TBC1D9: variants seen among roughly 807,000 people sequenced by gnomAD.
TBC1D9 encodes the protein TBC1 domain family member 9.
In TBC1D9, 63 loss-of-function variants were observed where a neutral mutation model predicts 132.0. The ratio of observed to expected loss-of-function variants is 0.48; its 90% CI spans 0.39 to 0.59. The LOEUF (loss-of-function observed/expected upper bound fraction) is 0.59. Ranked by LOEUF, TBC1D9 falls within the 20% of genes least tolerant of loss-of-function variation. The probability of loss-of-function intolerance (pLI) is 0.00; values close to 1 mark genes in which losing one functional copy is unlikely to be tolerated. For missense variants in TBC1D9, 1,261 were observed against 1,592.7 expected (o/e 0.79, Z 3.54); for synonymous variants, 610 against 609.9 (o/e 1.00, Z 0.00).
At chr4:140,749,091 T>G (rs1738883036) in intron 1 of TBC1D9, among the ~76,000 whole-genome samples, 1 of 151,936 alleles carries the variant, frequency 6.6e-6, no homozygotes, top group African/African-American at 2.4e-5. Flanking sequence ...AATGGCCAGG[T>G]GCAGTGACTG....
At chr4:140,755,878 C>T in intron 1 of TBC1D9, 38 bp downstream of exon 1, 1 of 1,502,140 alleles carries the variant, frequency 6.7e-7, no homozygotes, top group Non-Finnish European at 8.8e-7. Context: ...CGCAGCGCTC[C>T]CGGCTCCCCT....
At chr4:140,699,677 G>A (rs543825831) in intron 2 of TBC1D9, among the ~76,000 whole-genome samples, 146 of 152,204 alleles carry the variant, frequency 9.6e-4, no homozygotes, top group African/African-American at 3.1e-3. Flanking sequence ...GGAGCCTAAC[G>A]GGATATGACC....
intron 3 of TBC1D9, among the ~76,000 whole-genome samples, chr4:140,685,746 A>G (rs1286401232): frequency 1.3e-5 from 2 of 152,208 alleles, no homozygotes; most frequent in African/African-American, 4.8e-5. Context: ...TTAATAGAAT[A>G]TCCCGCATGT....
At chr4:140,630,607 C>T (rs1736779664) in intron 16 of TBC1D9, among the ~76,000 whole-genome samples, 1 of 152,166 alleles carries the variant, frequency 6.6e-6, no homozygotes, top group South Asian at 2.1e-4. Context: ...TGGTTTTCTT[C>T]CCACCCAAGA....
chr4:140,679,617 TC>T lies in TBC1D9; in HGVS notation c.586del (p.Glu196LysfsTer9). On this transcript the variant is annotated frameshift_variant, in exon 4 of 21. Coordinates refer to ENST00000442267, the MANE Select transcript of TBC1D9 (RefSeq NM_015130.3). LOFTEE classifies it high-confidence loss of function. ...LCFYSFLMGR[E>X]AKLVIRWVDI... ...TGCTGAAATTTTAGATGACTTACCTTCCCTTCCCATAAGAAAAGAATAAAAG... is the reference window on the plus strand; with the variant it reads ...TGCTGAAATTTTAGATGACTTACCTTCCTTCCCATAAGAAAAGAATAAAAG... 6.2e-7 allele frequency: 1 copy of T among 1,611,180 alleles called. No individual in the cohort carries two copies. Among genetic ancestry groups the T allele is most frequent in the South Asian group, 1.1e-5 (1 of 90,874 alleles).
At chr4:140,660,531 T>C (rs1006097029) in intron 10 of TBC1D9, among the ~76,000 whole-genome samples, 2 of 152,218 alleles carry the variant, frequency 1.3e-5, no homozygotes, top group Admixed American at 1.3e-4. Context: ...GACATCATCA[T>C]GGAAATTCCA....
At chr4:140,696,349 C>T (rs1271694296) in intron 2 of TBC1D9, among the ~76,000 whole-genome samples, 7 of 143,388 alleles carry the variant, frequency 4.9e-5, no homozygotes, top group South Asian at 2.3e-4. Context: ...CCCAGCTACT[C>T]GGGAGGTTGA....
At chr4:140,710,010 G>A (rs1738217617) in intron 1 of TBC1D9, among the ~76,000 whole-genome samples, 1 of 152,176 alleles carries the variant, frequency 6.6e-6, no homozygotes, top group South Asian at 2.1e-4. Flanking sequence ...GCTTTAAACA[G>A]TATTAAATTA....
At chr4:140,741,398 C>A (rs1263126632) in intron 1 of TBC1D9, among the ~76,000 whole-genome samples, 1 of 152,146 alleles carries the variant, frequency 6.6e-6, no homozygotes, top group East Asian at 1.9e-4. Context: ...AATTAAGAAT[C>A]TAGCACCTTT....
At chr4:140,623,045 G>T in intron 20 of TBC1D9, 128 bp from the exon 21 acceptor site, 1 of 1,149,328 alleles carries the variant, frequency 8.7e-7, no homozygotes, top group Non-Finnish European at 1.2e-6. Flanking sequence ...GCCTAGGCTG[G>T]ATGGACATGT....
chr4:140,739,891 G>A (rs1340116451), intron 1 of TBC1D9, among the ~76,000 whole-genome samples: 2 of 152,134 alleles, frequency 1.3e-5, no homozygotes, highest in African/African-American at 2.4e-5. Flanking sequence ...AGAAGAAACA[G>A]AATTAGATAA....
chr4:140,748,199 G>T (rs977532818), intron 1 of TBC1D9, among the ~76,000 whole-genome samples: 11 of 152,124 alleles, frequency 7.2e-5, no homozygotes, highest in African/African-American at 2.4e-4. Flanking sequence ...CTGAAAATTA[G>T]ACAATGAACC....
intron 13 of TBC1D9, chr4:140,645,207 A>C: frequency 7.4e-6 from 4 of 541,952 alleles, no homozygotes; most frequent in South Asian, 5.7e-5. Context: ...CCAGGCCCCC[A>C]GCAGCCATTA....
chr4:140,736,786 G>A (rs1275087668), intron 1 of TBC1D9, among the ~76,000 whole-genome samples: 1 of 152,162 alleles, frequency 6.6e-6, no homozygotes, highest in East Asian at 1.9e-4. Flanking sequence ...ACAATGATTA[G>A]GCTGAGAGCT....
intron 2 of TBC1D9, among the ~76,000 whole-genome samples, chr4:140,696,483 A>G (rs1393012341): frequency 7.1e-6 from 1 of 140,482 alleles, no homozygotes; most frequent in Non-Finnish European, 1.6e-5. Flanking sequence ...AAAAAAAAAG[A>G]TAAAAAGAGG....
At chr4:140,671,004 G>A in intron 6 of TBC1D9, 78 bp from the exon 7 acceptor site, 3 of 1,240,928 alleles carry the variant, frequency 2.4e-6, no homozygotes, top group South Asian at 2.6e-5. Flanking sequence ...ACTAAAGGAG[G>A]AAGGCGGCAC....
At chr4:140,631,229 CTTTG>C (rs757792555) in intron 16 of TBC1D9, among the ~76,000 whole-genome samples, 12 of 152,278 alleles carry the variant, frequency 7.9e-5, no homozygotes, top group Non-Finnish European at 1.6e-4. Flanking sequence ...CCCCTCATTT[CTTTG>C]TTTGTTTGAG....
intron 9 of TBC1D9, among the ~76,000 whole-genome samples, chr4:140,667,293 A>T (rs1287824361): frequency 6.6e-6 from 1 of 152,050 alleles, no homozygotes; most frequent in African/African-American, 2.4e-5. Flanking sequence ...ACTGGGTCTA[A>T]CTCTCAACAT....
chr4:140,659,738 A>G (rs745579348), intron 10 of TBC1D9, 33 bp from the exon 11 acceptor site: 1 of 1,418,604 alleles, frequency 7.0e-7, no homozygotes, highest in East Asian at 2.4e-5. Flanking sequence ...CATCAAATAC[A>G]GTTGAAAATA....
Sources: gnomAD v4.1 joint callset for allele counts (sites outside exome capture counted in the v4.1 genomes callset) on GRCh38, gnomAD v4.1.1 for gene constraint, MANE v1.5 for transcripts, NCBI Gene and HGNC (gene_info 2026-07-23, HGNC 2026-07-21) for gene names.